Variants in TNRC6C observed in about 807,000 individuals in gnomAD.
TNRC6C encodes the protein trinucleotide repeat containing adaptor 6C.
TNRC6C carries 20 observed loss-of-function variants against 153.7 expected under a neutral mutation model. The observed-to-expected ratio is 0.13, with a 90% confidence interval of 0.09 to 0.19. TNRC6C has a LOEUF of 0.19. TNRC6C is among the 10% of genes least tolerant of loss of function. The probability of loss-of-function intolerance (pLI) is 1.00; values close to 1 mark genes in which losing one functional copy is unlikely to be tolerated. For synonymous variants in TNRC6C, 811 were observed against 841.4 expected (o/e 0.96, Z 0.63); for missense variants, 1,987 against 2,172.0 (o/e 0.91, Z 1.69).
chr17:78,089,094 A>C (rs974532691), intron 13 of TNRC6C, among the ~76,000 whole-genome samples: 1 of 151,264 alleles, frequency 6.6e-6, no homozygotes, highest in Admixed American at 6.6e-5. Context: ...CAGCCTCCCA[A>C]ATTGATGGGA....
intron 1 of TNRC6C, among the ~76,000 whole-genome samples, chr17:78,008,216 A>G (rs897670623): frequency 6.6e-6 from 1 of 152,246 alleles, no homozygotes; most frequent in East Asian, 1.9e-4. Flanking sequence ...GAATAACTTA[A>G]TATAATATGT....
chr17:78,045,555 A>G (rs189532922), intron 2 of TNRC6C, among the ~76,000 whole-genome samples: 1 of 152,276 alleles, frequency 6.6e-6, no homozygotes, highest in Non-Finnish European at 1.5e-5. Context: ...TCTGGGCTGT[A>G]CAAGTGCAGC....
exon 3 of TNRC6C, chr17:78,050,453 A>G: frequency 6.2e-7 from 1 of 1,614,040 alleles, no homozygotes; most frequent in East Asian, 2.2e-5. Context: ...GAATTTGAAG[A>G]ATCCCCTAGG....
At chr17:78,102,565 A>G in intron 18 of TNRC6C, 21 bp downstream of exon 21, 1 of 1,585,412 alleles carries the variant, frequency 6.3e-7, no homozygotes, top group Non-Finnish European at 8.6e-7. Flanking sequence ...GTGCCCCTGC[A>G]TCACTGAGCA....
At chr17:77,998,099 A>G (rs1223563071) in intron 1 of TNRC6C, among the ~76,000 whole-genome samples, 1 of 152,066 alleles carries the variant, frequency 6.6e-6, no homozygotes, top group Non-Finnish European at 1.5e-5. Context: ...AACCATCATC[A>G]CGTGAAGATG....
At chr17:78,090,521 C>T (rs1177089513) in intron 13 of TNRC6C, among the ~76,000 whole-genome samples, 2 of 152,202 alleles carry the variant, frequency 1.3e-5, no homozygotes, top group African/African-American at 4.8e-5. Context: ...GCTGGAAATA[C>T]AAGGGGAGGG....
At chr17:78,076,551 T>A (rs1475302682) in intron 8 of TNRC6C, among the ~76,000 whole-genome samples, 1 of 152,250 alleles carries the variant, frequency 6.6e-6, no homozygotes, top group Non-Finnish European at 1.5e-5. Context: ...CCAATGTAAC[T>A]CAGCATCGCA....
At chr17:78,108,680 C>T (rs1223732383) in exon 20 of TNRC6C, 2 of 154,622 alleles carry the variant, frequency 1.3e-5, no homozygotes, top group East Asian at 1.9e-4. Flanking sequence ...AGGGACCCCA[C>T]GCAAAGACCT....
Position 78,104,650 on chromosome 17 carries a change from A to T in TNRC6C, c.4878A>T (p.Val1626=). ...CAGCGGGCAGCTCCCATGGCCTGGT[A>T]CGCAGCGACGCTGGCCACTGGAACG... Residue 1626 remains valine (V), a synonymous_variant, in exon 20 of 20, where the codon GTA becomes GTT. Transcript: ENST00000301624. This position sits in a 1 kb window ranked among gnomAD's most constrained non-coding sequence, Gnocchi z 6.2. 1 of 1,545,306 alleles carries T rather than the reference A, an allele frequency of 6.5e-7. No individual in the cohort carries two copies. The highest frequency in any genetic ancestry group is 8.7e-7 in the Non-Finnish European group (1 of 1,146,628).
At chr17:78,071,114 G>C in exon 6 of TNRC6C, 1 of 1,607,576 alleles carries the variant, frequency 6.2e-7, no homozygotes. Flanking sequence ...AGCAGGATGA[G>C]GCCTGGATCA....
intron 3 of TNRC6C, among the ~76,000 whole-genome samples, chr17:78,056,549 C>T (rs1480400515): frequency 4.0e-5 from 6 of 151,772 alleles, no homozygotes; most frequent in South Asian, 2.1e-4. Flanking sequence ...CTGCAAGCTC[C>T]GCCTCCCAGG....
chr17:78,099,165 G>A (rs2073543294), intron 17 of TNRC6C, among the ~76,000 whole-genome samples: 1 of 152,176 alleles, frequency 6.6e-6, no homozygotes, highest in African/African-American at 2.4e-5. Context: ...TAAATTAGTG[G>A]GGCATAGTGG....
At chr17:77,973,752 A>G (rs1030805635) in intron 1 of TNRC6C, among the ~76,000 whole-genome samples, 7 of 150,042 alleles carry the variant, frequency 4.7e-5, no homozygotes, top group Non-Finnish European at 8.8e-5. Context: ...ATCAAAAGCA[A>G]CTAAATCCTG....
chr17:78,040,349 A>G (rs1005780488), intron 2 of TNRC6C, among the ~76,000 whole-genome samples: 15 of 152,200 alleles, frequency 9.9e-5, no homozygotes, highest in African/African-American at 3.1e-4. Context: ...AATAATAATA[A>G]TAAGTTCTTG....
intron 1 of TNRC6C, among the ~76,000 whole-genome samples, chr17:77,985,601 C>CAAAAAAAAAAAAAAAAAAAAAAAA (rs1229331703): frequency 7.3e-5 from 7 of 96,242 alleles, no homozygotes; most frequent in African/African-American, 2.9e-4. Context: ...GACTCCGTCT[C>CAAAAAAAAAAAAAAAAAAAAAAAA]AAAAAAAAAA....
At chr17:78,106,948 T>C (rs892248346) in exon 20 of TNRC6C, 4 of 151,766 alleles carry the variant, frequency 2.6e-5, no homozygotes, top group Non-Finnish European at 5.9e-5. Context: ...TAGAGGATCA[T>C]GAACTATGCA....
chr17:77,986,413 CAA>C (rs764905338), intron 1 of TNRC6C, among the ~76,000 whole-genome samples: 20 of 54,332 alleles, frequency 3.7e-4, no homozygotes, highest in South Asian at 1.2e-3. Context: ...AACTCCATCT[CAA>C]AAAAAAAAAA....
At chr17:78,037,497 A>G (rs2072202974) in intron 2 of TNRC6C, among the ~76,000 whole-genome samples, 1 of 151,696 alleles carries the variant, frequency 6.6e-6, no homozygotes, top group Non-Finnish European at 1.5e-5. Context: ...GGGGACTGCA[A>G]GGAAGCCTTT....
chr17:78,077,470 T>C, intron 9 of TNRC6C, 136 bp downstream of exon 11: 1 of 1,155,514 alleles, frequency 8.7e-7, no homozygotes, highest in Non-Finnish European at 1.2e-6. Context: ...GTTGAAATAC[T>C]ACCAGGATTT....
Sources: gnomAD v4.1 joint callset for allele counts (sites outside exome capture counted in the v4.1 genomes callset) on GRCh38, gnomAD v4.1.1 for gene constraint, Gnocchi (gnomAD v3.1) non-coding constraint, MANE v1.5 for transcripts, NCBI Gene and HGNC (gene_info 2026-07-23, HGNC 2026-07-21) for gene names.